CLYBL: variants seen among roughly 807,000 people sequenced by gnomAD.
CLYBL encodes the protein citramalyl-CoA lyase.
A neutral mutation model predicts 38.9 loss-of-function variants in CLYBL; 31 were observed. The observed-to-expected ratio is 0.80, with a 90% confidence interval of 0.60 to 1.08. The LOEUF is 1.08. CLYBL is among the 50% of genes least tolerant of loss of function. CLYBL has a pLI of 0.00. For synonymous variants in CLYBL, 171 were observed against 158.6 expected, an observed-to-expected ratio of 1.08 and a Z score of -0.59; for missense variants, 434 against 411.6, an observed-to-expected ratio of 1.05 and a Z score of -0.47.
chr13:99,679,962 T>G (rs1341537093), intron 1 of CLYBL, among the ~76,000 whole-genome samples: 1 of 152,206 alleles, frequency 6.6e-6, no homozygotes, highest in Non-Finnish European at 1.5e-5. Flanking sequence ...TAAATAATAT[T>G]AAATGACCAT....
At position 99,875,831 on chromosome 13, in the gene CLYBL, ACT is replaced by A. The variant is rs2052024739; in HGVS notation, c.927+4772_927+4773del. ...TGAAAATGAAAGATAAAGGGACATAACTCTGTTTTAGAGATTCTTAGTAATTG... is the reference window on the plus strand; with the variant it reads ...TGAAAATGAAAGATAAAGGGACATAACTGTTTTAGAGATTCTTAGTAATTG... On this transcript the variant is annotated intron_variant, in intron 7 of 8. Transcript: ENST00000339105. Among the ~76,000 whole-genome samples, 7 of 152,058 alleles carry A rather than the reference ACT, an allele frequency of 4.6e-5. No homozygotes were observed. In the South Asian group the frequency reaches 1.5e-3, roughly 32 times the overall value.
At chr13:99,806,048 T>C (rs1334067985) in intron 2 of CLYBL, among the ~76,000 whole-genome samples, 4 of 152,236 alleles carry the variant, frequency 2.6e-5, no homozygotes, top group Admixed American at 2.6e-4. Flanking sequence ...TTTATAATTG[T>C]TTTATAACAA....
At chr13:99,878,233 C>T (rs1330580138) in intron 7 of CLYBL, among the ~76,000 whole-genome samples, 2 of 152,186 alleles carry the variant, frequency 1.3e-5, no homozygotes. Flanking sequence ...ATTATTTCAT[C>T]AGTTGTTATT....
chr13:99,766,576 G>A (rs2049271710), intron 1 of CLYBL, among the ~76,000 whole-genome samples: 2 of 152,068 alleles, frequency 1.3e-5, no homozygotes, highest in Admixed American at 6.6e-5. Flanking sequence ...GTTTGCTGTT[G>A]TTTCCTGTTG....
At chr13:99,821,078 T>G (rs1338992784) in intron 2 of CLYBL, among the ~76,000 whole-genome samples, 1 of 152,256 alleles carries the variant, frequency 6.6e-6, no homozygotes, top group East Asian at 1.9e-4. Flanking sequence ...CTTTATGTGA[T>G]GTAGAAACTG....
At chr13:99,845,412 G>A (rs1288773792) in intron 2 of CLYBL, among the ~76,000 whole-genome samples, 1 of 152,032 alleles carries the variant, frequency 6.6e-6, no homozygotes, top group African/African-American at 2.4e-5. Flanking sequence ...AAAATTCACC[G>A]GGCGCAAAAA....
intron 1 of CLYBL, among the ~76,000 whole-genome samples, chr13:99,659,817 G>T (rs1315445636): frequency 1.3e-5 from 2 of 152,090 alleles, no homozygotes; most frequent in African/African-American, 4.8e-5. Flanking sequence ...CCTGTTTGGC[G>T]GCATAAATAA....
chr13:99,901,941 A>C (rs750774906), downstream of CLYBL, among the ~76,000 whole-genome samples: 5 of 152,166 alleles, frequency 3.3e-5, no homozygotes, highest in Non-Finnish European at 7.4e-5. Context: ...TGCTATTCCC[A>C]ATATCCTGCC....
At chr13:99,710,061 GC>G (rs1259256801) in intron 1 of CLYBL, among the ~76,000 whole-genome samples, 1 of 151,666 alleles carries the variant, frequency 6.6e-6, no homozygotes, top group Non-Finnish European at 1.5e-5. Context: ...AGTAGCTGGG[GC>G]TACAGGCGCC....
intron 1 of CLYBL, among the ~76,000 whole-genome samples, chr13:99,678,913 C>G (rs1436406496): frequency 6.6e-6 from 1 of 152,010 alleles, no homozygotes; most frequent in Non-Finnish European, 1.5e-5. Context: ...TATTGAGGAC[C>G]TAGTATGTGC....
At chr13:99,894,737 G>T (rs1229251597), downstream of CLYBL, 2 of 33,888 alleles carry the variant, frequency 5.9e-5, no homozygotes, top group Non-Finnish European at 1.2e-4. Context: ...TGCCTGAGGC[G>T]GGGGGGGGGG....
rs35027014 is a variant in CLYBL, at chr13:99,732,169, GTTTTTTTTTTTT to G, written c.63-40644_63-40633del. On this transcript the variant is annotated intron_variant, in intron 1 of 8. Coordinates refer to ENST00000339105, the MANE Select transcript of CLYBL (RefSeq NM_206808.5). ...TTAGAAATTTCAGCATTATATGGCA[GTTTTTTTTTTTT>G]TTTTTTTTTTGAGACAGGGTCTTAC... 3.3e-5 allele frequency among the ~76,000 whole-genome samples: 3 copies of G among 90,780 alleles called. No individual in the cohort carries two copies. In the South Asian group the frequency reaches 1.2e-3, roughly 35 times the overall value. The allele number at this position is 90,780 out of a possible 152,430, so 59.6% of individuals were successfully genotyped here.
chr13:99,849,168 T>C lies in CLYBL; in HGVS notation c.250-9693T>C, dbSNP rs1169843342. On this transcript the variant is annotated intron_variant, in intron 2 of 8. Coordinates refer to ENST00000339105, the MANE Select transcript of CLYBL (RefSeq NM_206808.5). The surrounding 1 kb of genome is among the most constrained non-coding windows in gnomAD (Gnocchi z 4.9). ...AAGAAAAAAGAAAAAAAAAACACTA[T>C]TGAGAAAGACAGTGTAAGCTTGTGG... Among the ~76,000 whole-genome samples the C allele has an allele frequency of 6.7e-6, 1 of 150,242 alleles. No homozygotes were observed. Among genetic ancestry groups the C allele is most frequent in the Non-Finnish European group, 1.5e-5 (1 of 67,730 alleles).
chr13:99,631,668 G>A (rs891634093), intron 1 of CLYBL, among the ~76,000 whole-genome samples: 44 of 151,572 alleles, frequency 2.9e-4, no homozygotes, highest in South Asian at 1.9e-3. Flanking sequence ...GCGTGATCTC[G>A]GCTCACTGCA....
At chr13:99,884,863 A>T (rs996102928) in intron 7 of CLYBL, 1 of 418,874 alleles carries the variant, frequency 2.4e-6, no homozygotes, top group Non-Finnish European at 4.9e-6. Context: ...TTCAGCAGGG[A>T]TGTGTGACAG....
intron 2 of CLYBL, among the ~76,000 whole-genome samples, chr13:99,775,865 AAAT>A (rs1181184867): frequency 1.3e-5 from 2 of 151,992 alleles, no homozygotes; most frequent in African/African-American, 4.8e-5. Context: ...TCTTTGTTTA[AAAT>A]AATAATAACA....
intron 1 of CLYBL, among the ~76,000 whole-genome samples, chr13:99,631,619 G>A (rs2046946437): frequency 2.0e-5 from 3 of 150,108 alleles, no homozygotes; most frequent in Non-Finnish European, 3.0e-5. Context: ...TTTTTTTTGA[G>A]TTGGAGTCTC....
chr13:99,613,830 G>T (rs568768624), intron 1 of CLYBL, among the ~76,000 whole-genome samples: 27 of 152,338 alleles, frequency 1.8e-4, no homozygotes, highest in African/African-American at 6.0e-4. Flanking sequence ...GGTATCATTA[G>T]AAGTTGACTT....
chr13:99,677,984 C>T (rs2047678880), intron 1 of CLYBL, among the ~76,000 whole-genome samples: 3 of 152,044 alleles, frequency 2.0e-5, no homozygotes, highest in African/African-American at 7.2e-5. Flanking sequence ...ACATGCTAAC[C>T]GTTGTAGAAG....
Sources: gnomAD v4.1 joint callset for allele counts (sites outside exome capture counted in the v4.1 genomes callset) on GRCh38, gnomAD v4.1.1 for gene constraint, Gnocchi (gnomAD v3.1) non-coding constraint, MANE v1.5 for transcripts, NCBI Gene and HGNC (gene_info 2026-07-23, HGNC 2026-07-21) for gene names.